Variants in LRRC4C observed in about 807,000 individuals in gnomAD.
The protein encoded by LRRC4C is leucine-rich repeat-containing protein 4C.
In LRRC4C, 5 loss-of-function variants were observed where a neutral mutation model predicts 33.6. The ratio of observed to expected loss-of-function variants is 0.15; its 90% CI spans 0.08 to 0.31. The LOEUF (loss-of-function observed/expected upper bound fraction) is 0.31. Ranked by LOEUF, LRRC4C falls within the 10% of genes least tolerant of loss-of-function variation. The probability of loss-of-function intolerance (pLI) is 1.00; values close to 1 mark genes in which losing one functional copy is unlikely to be tolerated. For missense variants in LRRC4C, 560 were observed against 796.7 expected (o/e 0.70, Z 3.58); for synonymous variants, 329 against 302.0 (o/e 1.09, Z -0.93).
rs553154474 is a variant in LRRC4C at position 41,207,915 on chromosome 11, G to T, written c.-496+251516C>A. Among the ~76,000 whole-genome samples, 390 of 152,238 alleles carry T rather than the reference G, an allele frequency of 2.6e-3. 3 individuals are homozygous for T. The highest frequency in any genetic ancestry group is 0.011 in the South Asian group (51 of 4,816). On this transcript the variant is annotated intron_variant, in intron 1 of 6. Transcript: ENST00000528697. ...TGTAGAAGTGGCTTTGACCCTGGGT[G>T]GGGGGTAAAAGCTGGGAGAAATTTG...
intron 1 of LRRC4C, among the ~76,000 whole-genome samples, chr11:41,301,326 T>G (rs1412082314): frequency 6.6e-6 from 1 of 152,210 alleles, no homozygotes; most frequent in Non-Finnish European, 1.5e-5. Flanking sequence ...TCCCTTTCTA[T>G]GAGAACCTAG....
chr11:41,312,164 T>C (rs1200863372), intron 1 of LRRC4C, among the ~76,000 whole-genome samples: 1 of 152,126 alleles, frequency 6.6e-6, no homozygotes, highest in Non-Finnish European at 1.5e-5. Context: ...GCCAGTTTGA[T>C]TATGTTTCCT....
At position 41,400,766 on chromosome 11, in the gene LRRC4C, C is replaced by A. The variant is rs1003910946; in HGVS notation, c.-496+58665G>T. On this transcript the variant is annotated intron_variant, in intron 1 of 6. Transcript: ENST00000528697. ...AGTTTTGTGTCCATATGAGATTAGA[C>A]CTCAGTCTTCTTGTTTATAAAACAG... 3.3e-5 allele frequency among the ~76,000 whole-genome samples: 5 copies of A among 151,770 alleles called. No homozygotes were observed. In the East Asian group the frequency reaches 9.7e-4, roughly 29 times the overall value.
intron 3 of LRRC4C, among the ~76,000 whole-genome samples, chr11:40,626,076 C>T (rs1962900050): frequency 6.6e-6 from 1 of 152,138 alleles, no homozygotes; most frequent in Admixed American, 6.5e-5. Context: ...ATGTTCTCCT[C>T]ACCTCTCTAC....
At chr11:40,999,853 G>A (rs355254) in intron 1 of LRRC4C, among the ~76,000 whole-genome samples, 109,924 of 151,940 alleles carry the variant, frequency 0.72, 40,019 homozygotes, top group Non-Finnish European at 0.75. Flanking sequence ...TGGAAAAGAG[G>A]TAACATTGGA....
chr11:41,058,925 G>A (rs536245285), intron 1 of LRRC4C, among the ~76,000 whole-genome samples: 18 of 152,106 alleles, frequency 1.2e-4, no homozygotes, highest in Non-Finnish European at 2.5e-4. Context: ...GAAGCTGAAG[G>A]CCATTATTCT....
intron 4 of LRRC4C, among the ~76,000 whole-genome samples, chr11:40,307,690 T>A (rs903438605): frequency 2.6e-5 from 4 of 152,198 alleles, no homozygotes; most frequent in African/African-American, 9.6e-5. Context: ...ACCAGATAAA[T>A]GAGCACAGTT....
intron 1 of LRRC4C, among the ~76,000 whole-genome samples, chr11:41,202,217 T>A (rs1413127912): frequency 6.6e-6 from 1 of 152,170 alleles, no homozygotes; most frequent in African/African-American, 2.4e-5. Context: ...GTAGAGATGG[T>A]CTTGTCCAAA....
At chr11:41,162,143 C>T (rs772386554) in intron 1 of LRRC4C, among the ~76,000 whole-genome samples, 30 of 152,206 alleles carry the variant, frequency 2.0e-4, no homozygotes, top group Middle Eastern at 3.4e-3. Context: ...CACATGTCCC[C>T]TTCTGCAGCT....
chr11:40,480,826 A>T (rs545496875), intron 3 of LRRC4C, among the ~76,000 whole-genome samples: 1 of 152,226 alleles, frequency 6.6e-6, no homozygotes, highest in South Asian at 2.1e-4. Flanking sequence ...GAAGTAAGTC[A>T]GGCATAGAAT....
At chr11:41,436,662 A>C (rs913402297) in intron 1 of LRRC4C, among the ~76,000 whole-genome samples, 1 of 152,208 alleles carries the variant, frequency 6.6e-6, no homozygotes, top group Admixed American at 6.5e-5. Context: ...CCTCTTTCAC[A>C]ACATTCACTT....
chr11:40,995,740 T>C (rs1368120245), intron 1 of LRRC4C, among the ~76,000 whole-genome samples: 1 of 152,156 alleles, frequency 6.6e-6, no homozygotes, highest in Non-Finnish European at 1.5e-5. Context: ...AGAATTATAT[T>C]ACAACTCAGC....
intron 2 of LRRC4C, among the ~76,000 whole-genome samples, chr11:40,717,086 G>A (rs973586130): frequency 6.6e-6 from 1 of 152,108 alleles, no homozygotes; most frequent in Non-Finnish European, 1.5e-5. Context: ...TAGGCATCAC[G>A]AGGTTCTCTT....
At chr11:40,119,908 C>T (rs1855706105) in intron 6 of LRRC4C, among the ~76,000 whole-genome samples, 1 of 152,190 alleles carries the variant, frequency 6.6e-6, no homozygotes, top group Non-Finnish European at 1.5e-5. Flanking sequence ...CCCACGTCCA[C>T]TTACCACTTA....
At chr11:41,126,517 G>A (rs1942750084) in intron 1 of LRRC4C, among the ~76,000 whole-genome samples, 1 of 151,932 alleles carries the variant, frequency 6.6e-6, no homozygotes, top group Non-Finnish European at 1.5e-5. Flanking sequence ...TTTGCATGCT[G>A]AAGAGAAAGG....
At chr11:40,902,300 A>G (rs1956243621) in intron 2 of LRRC4C, among the ~76,000 whole-genome samples, 1 of 152,082 alleles carries the variant, frequency 6.6e-6, no homozygotes, top group Non-Finnish European at 1.5e-5. Context: ...CACTGTGAAC[A>G]CACCATATAA....
intron 5 of LRRC4C, among the ~76,000 whole-genome samples, chr11:40,224,721 C>T (rs1864662130): frequency 1.3e-5 from 2 of 152,280 alleles, no homozygotes; most frequent in South Asian, 4.1e-4. Context: ...GCATGGAGAA[C>T]ATCTAAGAAT....
At chr11:40,659,726 C>T (rs10837463) in intron 2 of LRRC4C, among the ~76,000 whole-genome samples, 29,334 of 152,098 alleles carry the variant, frequency 0.19, 3,170 homozygotes, top group East Asian at 0.47. Context: ...ATTCTCAGGA[C>T]GACCTGCCTG....
Position 41,376,863 on chromosome 11 carries a change from C to T in LRRC4C, c.-496+82568G>A, listed in dbSNP as rs574957748. ...TAGATAGATACACACATACGTAGAT[C>T]ATAGATAGATAGATGATAGACAAAC... On this transcript the variant is annotated intron_variant, in intron 1 of 6. Coordinates refer to ENST00000528697, the MANE Select transcript of LRRC4C (RefSeq NM_001258419.2). Among the ~76,000 whole-genome samples, 4 of 151,946 alleles carry T rather than the reference C, an allele frequency of 2.6e-5. No homozygotes were observed. In the South Asian group the frequency reaches 8.3e-4, roughly 32 times the overall value.
Sources: gnomAD v4.1 joint callset for allele counts (sites outside exome capture counted in the v4.1 genomes callset) on GRCh38, gnomAD v4.1.1 for gene constraint, MANE v1.5 for transcripts, NCBI Gene and HGNC (gene_info 2026-07-23, HGNC 2026-07-21) for gene names.